The following SGCZ variants were observed in gnomAD, a reference collection of about 807,000 sequenced individuals.
SGCZ encodes sarcoglycan zeta, also known as zeta-sarcoglycan.
In SGCZ, 40 loss-of-function variants were observed where a neutral mutation model predicts 41.3. That is an observed-to-expected ratio of 0.97 (90% CI 0.75 to 1.26). The LOEUF is 1.26. Ranked by LOEUF, SGCZ falls within the 50% of genes most tolerant of loss-of-function variation. The pLI, the probability that SGCZ is intolerant of heterozygous loss-of-function variation, is 0.00. For synonymous variants in SGCZ, 206 were observed against 137.5 expected (o/e 1.50, Z -3.49); for missense variants, 552 against 369.8 (o/e 1.49, Z -4.04).
At chr8:14,354,688 G>C (rs891997413) in intron 2 of SGCZ, among the ~76,000 whole-genome samples, 1 of 151,708 alleles carries the variant, frequency 6.6e-6, no homozygotes, top group Non-Finnish European at 1.5e-5. Context: ...CACACTCAGA[G>C]ACAAAACTAT....
chr8:14,241,662 G>T (rs1348263174), intron 3 of SGCZ, among the ~76,000 whole-genome samples: 1 of 151,688 alleles, frequency 6.6e-6, no homozygotes, highest in Admixed American at 6.6e-5. Context: ...ACCCGAACTT[G>T]CCTCTAGCTC....
chr8:14,118,286 T>G (rs1291566062), intron 5 of SGCZ, among the ~76,000 whole-genome samples: 3 of 151,040 alleles, frequency 2.0e-5, no homozygotes, highest in African/African-American at 7.3e-5. Flanking sequence ...CTAACTGGAT[T>G]GAGGTGGTTT....
intron 1 of SGCZ, among the ~76,000 whole-genome samples, chr8:14,724,270 T>C (rs1020272965): frequency 6.6e-6 from 1 of 152,016 alleles, no homozygotes; most frequent in Non-Finnish European, 1.5e-5. Context: ...GAAATACATG[T>C]ATATGTACAC....
intron 1 of SGCZ, among the ~76,000 whole-genome samples, chr8:14,834,066 T>A (rs1315367072): frequency 6.6e-6 from 1 of 152,184 alleles, no homozygotes; most frequent in Non-Finnish European, 1.5e-5. Context: ...ACTAACAGCA[T>A]TGCAGTAAGG....
rs535961933 is a variant in SGCZ, at chr8:14,085,351, C to T, written c.*5092G>A. ...CTGATTTAAAGAATTGTATAAATAA[C>T]GAGACACTCAAACTCCAGATTACAT... On this transcript the variant is annotated 3_prime_UTR_variant, in exon 8 of 8. Transcript: ENST00000382080. Among the ~76,000 whole-genome samples, 1 of 151,532 alleles carries T rather than the reference C, an allele frequency of 6.6e-6. No individual in the cohort carries two copies. The highest frequency in any genetic ancestry group is 1.5e-5 in the Non-Finnish European group (1 of 67,752).
chr8:14,743,420 T>C (rs1218380673), intron 1 of SGCZ, among the ~76,000 whole-genome samples: 1 of 152,090 alleles, frequency 6.6e-6, no homozygotes, highest in Non-Finnish European at 1.5e-5. Context: ...TACTGTTTTA[T>C]ATGAAATAAC....
intron 2 of SGCZ, among the ~76,000 whole-genome samples, chr8:14,446,378 C>T (rs545290813): frequency 6.6e-6 from 1 of 152,296 alleles, no homozygotes; most frequent in East Asian, 1.9e-4. Context: ...TTCTAATAAA[C>T]TCCCAATCTT....
chr8:14,113,546 C>T (rs1802436791), intron 5 of SGCZ, among the ~76,000 whole-genome samples: 1 of 151,762 alleles, frequency 6.6e-6, no homozygotes, highest in South Asian at 2.1e-4. Flanking sequence ...GAGTTTTCTC[C>T]TTTTGTTTTT....
intron 2 of SGCZ, among the ~76,000 whole-genome samples, chr8:14,408,724 G>A (rs751145848): frequency 1.2e-4 from 18 of 151,918 alleles, no homozygotes; most frequent in Non-Finnish European, 1.6e-4. Context: ...TTATTTATCA[G>A]GCTTCTGTAC....
chr8:15,210,884 C>T (rs1179419369), intron 1 of SGCZ, among the ~76,000 whole-genome samples: 1 of 151,962 alleles, frequency 6.6e-6, no homozygotes, highest in Non-Finnish European at 1.5e-5. Context: ...CAGTTTAGAA[C>T]CCCACATCCA....
At chr8:14,842,129 A>G (rs1802941501) in intron 1 of SGCZ, among the ~76,000 whole-genome samples, 1 of 152,192 alleles carries the variant, frequency 6.6e-6, no homozygotes, top group African/African-American at 2.4e-5. Context: ...ACAAACATGA[A>G]ACTTTAGCCA....
chr8:14,762,061 G>C (rs117348583), intron 1 of SGCZ, among the ~76,000 whole-genome samples: 2 of 152,150 alleles, frequency 1.3e-5, no homozygotes, highest in South Asian at 2.1e-4. Flanking sequence ...AGCAAATTGA[G>C]ACAGATGCCA....
chr8:15,222,526 T>G (rs1260994570), intron 1 of SGCZ, among the ~76,000 whole-genome samples: 1 of 152,222 alleles, frequency 6.6e-6, no homozygotes, highest in East Asian at 1.9e-4. Flanking sequence ...TGCTTACAAA[T>G]GATTTAATGT....
intron 1 of SGCZ, among the ~76,000 whole-genome samples, chr8:14,799,343 C>G (rs1441936): frequency 9.9e-5 from 15 of 151,948 alleles, no homozygotes; most frequent in African/African-American, 3.4e-4. Flanking sequence ...AAAAATCAAC[C>G]CTTTAAATAA....
chr8:14,617,343 A>T (rs1276363603), intron 1 of SGCZ, among the ~76,000 whole-genome samples: 1 of 152,180 alleles, frequency 6.6e-6, no homozygotes, highest in Non-Finnish European at 1.5e-5. Flanking sequence ...GGGAACATAA[A>T]TATGTACACT....
chr8:14,750,015 A>G (rs1389335767), intron 1 of SGCZ, among the ~76,000 whole-genome samples: 1 of 152,208 alleles, frequency 6.6e-6, no homozygotes, highest in African/African-American at 2.4e-5. Context: ...CCGTTAGAAG[A>G]TCAAAATGAC....
At chr8:14,666,012 G>T (rs774345591) in intron 1 of SGCZ, among the ~76,000 whole-genome samples, 1 of 152,202 alleles carries the variant, frequency 6.6e-6, no homozygotes, top group Non-Finnish European at 1.5e-5. Flanking sequence ...AAGCCTTGCA[G>T]CATTAGGCTC....
intron 1 of SGCZ, among the ~76,000 whole-genome samples, chr8:14,867,748 C>T (rs1224355532): frequency 6.6e-6 from 1 of 152,022 alleles, no homozygotes; most frequent in East Asian, 1.9e-4. Context: ...GAACAACACA[C>T]ACTGGGGCCT....
chr8:14,226,834 T>G (rs972388617), intron 4 of SGCZ, among the ~76,000 whole-genome samples: 11 of 152,100 alleles, frequency 7.2e-5, no homozygotes, highest in African/African-American at 2.7e-4. Context: ...AGTATAAAAG[T>G]TCCAGTAGCT....
Sources: allele counts gnomAD v4.1 joint callset (sites outside exome capture counted in the v4.1 genomes callset), GRCh38; gene constraint gnomAD v4.1.1; transcripts MANE v1.5; gene names NCBI Gene and HGNC (gene_info 2026-07-23, HGNC 2026-07-21).